MREG: variants seen among roughly 807,000 people sequenced by gnomAD.
The protein encoded by MREG is melanoregulin.
MREG carries 31 observed loss-of-function variants against 28.5 expected under a neutral mutation model. The observed-to-expected ratio is 1.09, with a 90% CI of 0.82 to 1.47. The LOEUF (loss-of-function observed/expected upper bound fraction) is 1.47. Among genes scored for constraint, MREG ranks in the 40% most tolerant of loss-of-function variants. The pLI is 0.00. For missense variants in MREG, 256 were observed against 257.4 expected (o/e 0.99, Z 0.04); for synonymous variants, 106 against 95.2 (o/e 1.11, Z -0.66).
intron 2 of MREG, among the ~76,000 whole-genome samples, chr2:215,977,831 A>G (rs1046876924): frequency 2.6e-5 from 4 of 152,234 alleles, no homozygotes; most frequent in African/African-American, 9.6e-5. Context: ...TTTGAAACCA[A>G]TGAGGACAAA....
chr2:216,034,079 A>C (rs2105937631), upstream of MREG: 1 of 152,334 alleles, frequency 6.6e-6, no homozygotes, highest in East Asian at 1.9e-4. Context: ...AAAGGAAGAA[A>C]CTAAAGCTCA....
rs1007329960 is a variant in MREG, at chr2:215,996,224, T to C, written c.255+82A>G. 2.1e-4 allele frequency: 283 copies of C among 1,363,932 alleles called. No individual in the cohort carries two copies. Among genetic ancestry groups the C allele is most frequent in the Non-Finnish European group, 2.6e-4 (266 of 1,020,320 alleles). 84.5% of individuals were successfully genotyped at this position (1,363,932 alleles called of 1,614,324 possible). A position where few individuals can be genotyped will look rare whatever the true frequency, so the allele number is the denominator to read the frequency against. ...ATTTCATCCTTCATTCTTTTTGTTA[T>C]TTCAAGGGGATCTTCTCAGGAATTA... On this transcript the variant is annotated intron_variant, in intron 2 of 4. Transcript: ENST00000263268.
At chr2:215,979,419 C>T (rs1256140452) in intron 2 of MREG, among the ~76,000 whole-genome samples, 1 of 149,972 alleles carries the variant, frequency 6.7e-6, no homozygotes, top group Non-Finnish European at 1.5e-5. Context: ...GCCGAGATCG[C>T]GCCACTGCAG....
intron 2 of MREG, among the ~76,000 whole-genome samples, chr2:215,990,849 C>G (rs1176162941): frequency 6.6e-6 from 1 of 152,162 alleles, no homozygotes; most frequent in Non-Finnish European, 1.5e-5. Flanking sequence ...AGCTAACTAT[C>G]CTAAATATGT....
intron 2 of MREG, among the ~76,000 whole-genome samples, chr2:215,958,803 A>G: frequency 6.6e-6 from 1 of 152,208 alleles, no homozygotes; most frequent in Admixed American, 6.5e-5. Context: ...CCGCCTCTAA[A>G]GCATTTAATC....
intron 2 of MREG, among the ~76,000 whole-genome samples, chr2:215,955,472 A>G (rs1692599724): frequency 6.6e-6 from 1 of 152,228 alleles, no homozygotes; most frequent in African/African-American, 2.4e-5. Context: ...AGAATATGCC[A>G]TGCTGCTAGG....
intron 1 of MREG, among the ~76,000 whole-genome samples, chr2:216,031,479 A>G (rs961960014): frequency 7.7e-6 from 1 of 130,546 alleles, no homozygotes; most frequent in Admixed American, 8.3e-5. Flanking sequence ...AAGAAAGAGA[A>G]AGAAAGAAAG....
chr2:215,972,166 G>A (rs980456767), intron 2 of MREG, among the ~76,000 whole-genome samples: 1 of 152,134 alleles, frequency 6.6e-6, no homozygotes, highest in Non-Finnish European at 1.5e-5. Flanking sequence ...CAAGCCTCTG[G>A]CAGTATTTCT....
chr2:215,995,042 T>C (rs1693830932), intron 2 of MREG, among the ~76,000 whole-genome samples: 1 of 152,230 alleles, frequency 6.6e-6, no homozygotes, highest in African/African-American at 2.4e-5. Context: ...TGTAAGAATT[T>C]GTTCTTTCCA....
rs1242834060 is a variant in MREG, at chr2:215,949,060, C to A, written c.256-1947G>T. The stretch of plus-strand genomic sequence containing the variant: ...TCTACTACTACTACTACTACTACTA[C>A]TACTACTACTACTACTACTACTACT... On this transcript the variant is annotated intron_variant, in intron 2 of 4. Coordinates refer to ENST00000263268, the MANE Select transcript of MREG (RefSeq NM_018000.3). Among the ~76,000 whole-genome samples, 33 of 140,408 alleles carry A rather than the reference C, an allele frequency of 2.4e-4. 1 individual carries two copies. The highest frequency in any genetic ancestry group is 3.0e-4 in the Admixed American group (4 of 13,296). The allele number at this position is 140,408 out of a possible 152,430, so 92.1% of individuals were successfully genotyped here.
chr2:215,950,823 C>T (rs1692461960), intron 2 of MREG, among the ~76,000 whole-genome samples: 1 of 152,084 alleles, frequency 6.6e-6, no homozygotes, highest in Non-Finnish European at 1.5e-5. Flanking sequence ...GTGTCCCCAC[C>T]CAAATCTCAT....
downstream of MREG, among the ~76,000 whole-genome samples, chr2:215,941,233 T>A (rs1356371171): frequency 1.3e-5 from 2 of 152,128 alleles, no homozygotes; most frequent in Non-Finnish European, 2.9e-5. Context: ...GTATGTTCAG[T>A]CTGATTATTT....
chr2:215,975,006 A>AT (rs1693211698), intron 2 of MREG, among the ~76,000 whole-genome samples: 1 of 90,744 alleles, frequency 1.1e-5, no homozygotes, highest in African/African-American at 5.1e-5. Context: ...ATTTTATATG[A>AT]ATTATATATA....
intron 1 of MREG, among the ~76,000 whole-genome samples, chr2:216,023,429 T>C (rs978729806): frequency 6.6e-6 from 1 of 152,232 alleles, no homozygotes; most frequent in Non-Finnish European, 1.5e-5. Flanking sequence ...AACTAAACTC[T>C]AAACCTGTTA....
chr2:215,985,120 A>G (rs142067740), intron 2 of MREG, among the ~76,000 whole-genome samples: 2 of 152,340 alleles, frequency 1.3e-5, no homozygotes, highest in Non-Finnish European at 2.9e-5. Context: ...TAAAGAGGAC[A>G]CAGTTAACAT....
In MREG at chr2:215,996,328, T is replaced by C; in HGVS notation, c.233A>G (p.Asn78Ser). The change falls in exon 2 of 5, where the codon AAT (asparagine) becomes AGT (serine). Residue 78 changes from asparagine to serine, a missense_variant. Physicochemically the swap from Asn to Ser is conservative, Grantham distance 46 (BLOSUM62 1). Coordinates refer to ENST00000263268, the MANE Select transcript of MREG (RefSeq NM_018000.3). ...CACCTCTGAGTCTTTGGCCTGCTGA[T>C]TACGAATGACTATCAAATTGTACAG... ...RTLYNLIVIR[N>S]QQAKDSEEWQ... 1 of 1,613,902 alleles carries C rather than the reference T, an allele frequency of 6.2e-7. No individual in the cohort carries two copies. Among genetic ancestry groups the C allele is most frequent in the South Asian group, 1.1e-5 (1 of 91,068 alleles).
At chr2:216,023,580 A>T (rs1175626973) in intron 1 of MREG, among the ~76,000 whole-genome samples, 1 of 152,214 alleles carries the variant, frequency 6.6e-6, no homozygotes, top group Non-Finnish European at 1.5e-5. Flanking sequence ...AACCATGGAA[A>T]GTGTATAGGC....
chr2:216,010,730 T>C (rs1166108817), intron 1 of MREG, among the ~76,000 whole-genome samples: 1 of 152,022 alleles, frequency 6.6e-6, no homozygotes, highest in Non-Finnish European at 1.5e-5. Context: ...AGTGATTACA[T>C]ACTCCAAGTA....
At chr2:216,021,631 G>A (rs137920464) in intron 1 of MREG, among the ~76,000 whole-genome samples, 7 of 152,226 alleles carry the variant, frequency 4.6e-5, no homozygotes, top group Non-Finnish European at 7.4e-5. Flanking sequence ...TCTGAGGCAC[G>A]TCAAATTTAT....
Sources: allele counts gnomAD v4.1 joint callset (sites outside exome capture counted in the v4.1 genomes callset), GRCh38; gene constraint gnomAD v4.1.1; transcripts MANE v1.5; gene names NCBI Gene and HGNC (gene_info 2026-07-23, HGNC 2026-07-21).